Variants in UNC5D observed in about 807,000 individuals in gnomAD.
UNC5D encodes the protein unc-5 netrin receptor D.
UNC5D carries 39 observed loss-of-function variants against 105.4 expected under a neutral mutation model. The observed-to-expected ratio is 0.37, with a 90% CI of 0.29 to 0.48. UNC5D has a LOEUF of 0.48. UNC5D is among the 20% of genes least tolerant of loss of function. UNC5D has a pLI of 0.98. For synonymous variants in UNC5D, 452 were observed against 450.4 expected, an observed-to-expected ratio of 1.00 and a Z score of -0.04; for missense variants, 991 against 1,202.4, an observed-to-expected ratio of 0.82 and a Z score of 2.60.
chr8:35,585,785 AAT>A (rs1390328136), intron 3 of UNC5D, among the ~76,000 whole-genome samples: 1 of 151,500 alleles, frequency 6.6e-6, no homozygotes, highest in African/African-American at 2.4e-5. Flanking sequence ...TAATAAGGGG[AAT>A]ATATATATTA....
chr8:35,591,065 C>A (rs1246767818), intron 3 of UNC5D, among the ~76,000 whole-genome samples: 1 of 152,048 alleles, frequency 6.6e-6, no homozygotes, highest in Non-Finnish European at 1.5e-5. Flanking sequence ...CCGACAACTT[C>A]CAAATACTGA....
At chr8:35,565,342 T>C (rs1317287582) in intron 2 of UNC5D, among the ~76,000 whole-genome samples, 1 of 152,184 alleles carries the variant, frequency 6.6e-6, no homozygotes, top group Non-Finnish European at 1.5e-5. Context: ...TAATTAGTAA[T>C]GTTGAGCATT....
At chr8:35,357,250 G>A (rs922922146) in intron 1 of UNC5D, among the ~76,000 whole-genome samples, 1 of 152,072 alleles carries the variant, frequency 6.6e-6, no homozygotes, top group Non-Finnish European at 1.5e-5. Flanking sequence ...GTTACCACGA[G>A]AAAAAAGTCA....
In UNC5D at chr8:35,364,132, C is replaced by T. The variant is rs1801985978; in HGVS notation, c.103+128245C>T. Among the ~76,000 whole-genome samples, 2 of 152,128 alleles carry T rather than the reference C, an allele frequency of 1.3e-5. 1 individual carries two copies. The highest frequency in any genetic ancestry group is 4.1e-4 in the South Asian group (2 of 4,834). ...ACTGAGCTGAGGTCATGCCACTGCA[C>T]TTCAGCCTGGGTGACAGAGCGAGAC... is the stretch of plus-strand genomic sequence containing the variant. On this transcript the variant is annotated intron_variant, in intron 1 of 16. Coordinates refer to ENST00000404895, the MANE Select transcript of UNC5D (RefSeq NM_080872.4).
intron 1 of UNC5D, among the ~76,000 whole-genome samples, chr8:35,517,050 G>A (rs1454560829): frequency 1.3e-5 from 2 of 152,080 alleles, no homozygotes; most frequent in African/African-American, 2.4e-5. Flanking sequence ...AATCATTTTG[G>A]TACAAGAGTT....
At chr8:35,671,139 A>G (rs1056628385) in intron 4 of UNC5D, among the ~76,000 whole-genome samples, 4 of 152,130 alleles carry the variant, frequency 2.6e-5, no homozygotes, top group African/African-American at 9.6e-5. Context: ...TAGTAAAACC[A>G]TTGTGCTTAG....
At chr8:35,474,362 G>A (rs2129879720) in intron 1 of UNC5D, among the ~76,000 whole-genome samples, 1 of 152,190 alleles carries the variant, frequency 6.6e-6, no homozygotes, top group East Asian at 1.9e-4. Flanking sequence ...TCCAACTTAT[G>A]TAGTTACCTC....
chr8:35,635,674 A>G (rs1822325205), intron 4 of UNC5D, among the ~76,000 whole-genome samples: 1 of 152,146 alleles, frequency 6.6e-6, no homozygotes, highest in Admixed American at 6.6e-5. Flanking sequence ...TGTGGCATTT[A>G]TTTATTTGTA....
rs560266141 is a variant in UNC5D, at chr8:35,616,509, C to A, written c.570+20852C>A. 1.1e-4 allele frequency among the ~76,000 whole-genome samples: 17 copies of A among 152,318 alleles called. No homozygotes were observed. In the South Asian group the frequency reaches 3.5e-3, roughly 32 times the overall value. On this transcript the variant is annotated intron_variant, in intron 4 of 16. Transcript: ENST00000404895. ...TACTGCTGCCCGATTGCAGTTAACT[C>A]TCCCGATTTGATGGCATTGGACTCT...
intron 1 of UNC5D, among the ~76,000 whole-genome samples, chr8:35,459,747 T>C (rs537065336): frequency 6.6e-6 from 1 of 152,344 alleles, no homozygotes; most frequent in South Asian, 2.1e-4. Context: ...TATTGTCAAA[T>C]GGGAAAGCAT....
intron 15 of UNC5D, among the ~76,000 whole-genome samples, chr8:35,768,567 C>A (rs1398205473): frequency 1.3e-5 from 2 of 152,136 alleles, no homozygotes; most frequent in Non-Finnish European, 1.5e-5. Context: ...CGTTAACAGG[C>A]CAATGAGTTC....
In UNC5D at chr8:35,448,158, A is replaced by T. The variant is rs145322901; in HGVS notation, c.104-101134A>T. The stretch of plus-strand genomic sequence containing the variant: ...AGTTAAAAAAATATATATTCTATTC[A>T]TACTTCTGTCACCCTTACCCTATGC... On this transcript the variant is annotated intron_variant, in intron 1 of 16. Transcript: ENST00000404895. Among the ~76,000 whole-genome samples the T allele has an allele frequency of 2.8e-3, 429 of 152,152 alleles. 1 individual carries two copies. The highest frequency in any genetic ancestry group is 4.6e-3 in the Non-Finnish European group (314 of 67,980).
chr8:35,563,975 G>C lies in UNC5D; in HGVS notation c.323-4123G>C, dbSNP rs140315802. 2.0e-5 allele frequency among the ~76,000 whole-genome samples: 3 copies of C among 152,142 alleles called. No homozygotes were observed. In the East Asian group the frequency reaches 5.8e-4, roughly 29 times the overall value. On this transcript the variant is annotated intron_variant, in intron 2 of 16. Coordinates refer to ENST00000404895, the MANE Select transcript of UNC5D (RefSeq NM_080872.4). ...CTGAGATCAATCCTCCTTGATTATG[G>C]TTAATGATCCTTTAATGTGTTACTG...
At chr8:35,385,421 G>A (rs1437089528) in intron 1 of UNC5D, among the ~76,000 whole-genome samples, 1 of 150,388 alleles carries the variant, frequency 6.6e-6, no homozygotes, top group African/African-American at 2.4e-5. Flanking sequence ...ATTAGATAGG[G>A]TCACACCTGT....
chr8:35,394,123 A>G (rs2128943699), intron 1 of UNC5D, among the ~76,000 whole-genome samples: 1 of 152,094 alleles, frequency 6.6e-6, no homozygotes, highest in Non-Finnish European at 1.5e-5. Flanking sequence ...GAAACCAATC[A>G]TGTTTGTGTC....
intron 1 of UNC5D, among the ~76,000 whole-genome samples, chr8:35,272,033 A>G (rs893850531): frequency 2.6e-5 from 4 of 152,006 alleles, no homozygotes; most frequent in African/African-American, 9.7e-5. Context: ...ACATATGGTC[A>G]TTCTACCCAC....
Position 35,554,079 on chromosome 8 carries a change from T to G in UNC5D, c.322+4569T>G, listed in dbSNP as rs571357772. Among the ~76,000 whole-genome samples the G allele has an allele frequency of 2.6e-5, 4 of 152,318 alleles. No homozygotes were observed. In the South Asian group the frequency reaches 8.3e-4, roughly 32 times the overall value. ...TATAGGCATTCTGTCCTCACAGAACTAATGGGAAATGCATAGGACCTGGGA... is the reference window on the plus strand; with the variant it reads ...TATAGGCATTCTGTCCTCACAGAACGAATGGGAAATGCATAGGACCTGGGA... On this transcript the variant is annotated intron_variant, in intron 2 of 16. Transcript: ENST00000404895.
At position 35,504,678 on chromosome 8, in the gene UNC5D, C is replaced by A. The variant is rs114100422; in HGVS notation, c.104-44614C>A. Reference sequence around the variant, plus strand: ...TAATAGAGTCCCAGATTTTTGTATGCATCAGCATTATCTGGGGAACAGTGT... The same window carrying A: ...TAATAGAGTCCCAGATTTTTGTATGAATCAGCATTATCTGGGGAACAGTGT... On this transcript the variant is annotated intron_variant, in intron 1 of 16. Transcript: ENST00000404895. 4.1e-3 allele frequency among the ~76,000 whole-genome samples: 624 copies of A among 152,282 alleles called. 7 individuals carry two copies. Among genetic ancestry groups the A allele is most frequent in the African/African-American group, 0.014 (588 of 41,548 alleles).
chr8:35,738,853 A>G lies in UNC5D; in HGVS notation c.1766+7757A>G, dbSNP rs148822961. ...ATGGATGAAAATGCGTGAATCGTCC[A>G]TGTCATCATTTGTGTTCAATGGTCA... is the stretch of plus-strand genomic sequence containing the variant. On this transcript the variant is annotated intron_variant, in intron 11 of 16. Transcript: ENST00000404895. Among the ~76,000 whole-genome samples the G allele has an allele frequency of 1.6e-4, 25 of 152,324 alleles. No homozygotes were observed. The East Asian group carries it at 2.9e-3, about 18-fold the overall frequency.
Sources: gnomAD v4.1 joint callset for allele counts (sites outside exome capture counted in the v4.1 genomes callset) on GRCh38, gnomAD v4.1.1 for gene constraint, MANE v1.5 for transcripts, NCBI Gene and HGNC (gene_info 2026-07-23, HGNC 2026-07-21) for gene names.